Variants in SEC31A observed in about 807,000 individuals in gnomAD.
SEC31A encodes SEC31 homolog A, COPII component.
A neutral mutation model predicts 151.0 loss-of-function variants in SEC31A; 70 were observed. The ratio of observed to expected loss-of-function variants is 0.46; its 90% CI spans 0.38 to 0.57. The LOEUF is 0.57. SEC31A is among the 20% of genes least tolerant of loss of function. The pLI is 0.00. For synonymous variants in SEC31A, 475 were observed against 505.9 expected (o/e 0.94, Z 0.82); for missense variants, 1,330 against 1,471.2 (o/e 0.90, Z 1.57).
chr4:82,884,338 C>T (rs373586191), intron 1 of SEC31A, among the ~76,000 whole-genome samples: 2 of 151,356 alleles, frequency 1.3e-5, no homozygotes, highest in African/African-American at 4.9e-5. Flanking sequence ...TTTGACTTTG[C>T]TTTTTTCAAA....
intron 24 of SEC31A, 32 bp downstream of exon 24, chr4:82,827,336 CT>C: frequency 3.1e-6 from 5 of 1,598,546 alleles, no homozygotes; most frequent in Non-Finnish European, 4.3e-6. Flanking sequence ...ACACAGCCAT[CT>C]TCCCATTCCA....
intron 7 of SEC31A, 109 bp downstream of exon 7, chr4:82,871,835 T>C (rs1560648974): frequency 2.2e-6 from 3 of 1,370,244 alleles, no homozygotes; most frequent in Admixed American, 2.1e-5. Flanking sequence ...CAAAACTCCA[T>C]CTAAAAAAAA....
intron 8 of SEC31A, among the ~76,000 whole-genome samples, chr4:82,869,265 G>A (rs1191030639): frequency 4.0e-5 from 6 of 149,636 alleles, no homozygotes; most frequent in African/African-American, 1.5e-4. Context: ...GACTACAGGC[G>A]CCCGCCACCA....
At chr4:82,864,708 C>G (rs1734927891) in intron 10 of SEC31A, 110 bp from the exon 11 acceptor site, 1 of 719,792 alleles carries the variant, frequency 1.4e-6, no homozygotes, top group East Asian at 2.6e-5. Flanking sequence ...TTGATACAAC[C>G]TCTCATGCGC....
chr4:82,871,548 G>A (rs1578329514), intron 7 of SEC31A: 2 of 713,166 alleles, frequency 2.8e-6, no homozygotes, highest in African/African-American at 1.8e-5. Flanking sequence ...GGCAAAGGTG[G>A]GCAGATCACT....
chr4:82,839,331 C>T (rs531489544), intron 22 of SEC31A, among the ~76,000 whole-genome samples: 2 of 152,090 alleles, frequency 1.3e-5, no homozygotes, highest in African/African-American at 2.4e-5. Context: ...TTGTGTTTTT[C>T]GTAGAGACGG....
chr4:82,846,194 G>A (rs1311842858), intron 20 of SEC31A, among the ~76,000 whole-genome samples: 3 of 151,496 alleles, frequency 2.0e-5, no homozygotes, highest in East Asian at 3.9e-4. Context: ...TAGTAGAGAC[G>A]GGGTTTCACT....
At position 82,821,058 on chromosome 4, in the gene SEC31A, A is replaced by G. The variant is rs1723198233; in HGVS notation, c.3462T>C (p.Tyr1154=). The change falls in exon 26 of 27, where the codon TAT becomes TAC. Residue 1154 remains tyrosine (Y), a synonymous_variant. Transcript: ENST00000395310. The part of the protein sequence containing the change: ...DDASKRLEFL[Y]DKLREQTLSP... ...TTACTGTCTGTTCCCTAAGTTTATC[A>G]TACAGAAACTCCAAACGTTTGCTGG... The G allele has an allele frequency of 6.2e-7, 1 of 1,613,920 alleles. No individual in the cohort carries two copies. Among genetic ancestry groups the G allele is most frequent in the Non-Finnish European group, 8.5e-7 (1 of 1,179,804 alleles).
rs1724883788 is a variant in SEC31A, at chr4:82,827,569, G to A, written c.3091C>T (p.Pro1031Ser). ...TGTTGCTGCAGCATTTGTGACTGGG[G>A]GTCACCCAACGGGTTCATGATTGGT... The part of the protein sequence containing the change: ...TSPIMNPLGD[P>S]QSQMLQQQPS... Residue 1031 changes from proline (P) to serine (S), a missense_variant, in exon 24 of 27, where the codon CCC (proline) becomes TCC (serine). Transcript: ENST00000395310. 1.2e-6 allele frequency: 2 copies of A among 1,614,178 alleles called. No homozygotes were observed. Among genetic ancestry groups the A allele is most frequent in the East Asian group, 4.5e-5 (2 of 44,886 alleles).
At chr4:82,842,543 A>T in intron 21 of SEC31A, 62 bp from the exon 22 acceptor site, 2 of 1,271,032 alleles carry the variant, frequency 1.6e-6, no homozygotes, top group Non-Finnish European at 2.2e-6. Flanking sequence ...ATAGTAGCAG[A>T]AAACTAAAAA....
Position 82,863,399 on chromosome 4 carries a change from A to G in SEC31A, c.1435-7T>C. On this transcript the variant is annotated splice_polypyrimidine_tract_variant and splice_region_variant and intron_variant, in intron 11 of 26. Transcript: ENST00000395310. ...AATCATCCTCAAAGTTTACCTTTAA[A>G]AAAAAAGACATATTCTTAAAACAAA... 1 of 1,532,158 alleles carries G rather than the reference A, an allele frequency of 6.5e-7. No homozygotes were observed. The highest frequency in any genetic ancestry group is 8.8e-7 in the Non-Finnish European group (1 of 1,139,836). The allele number at this position is 1,532,158 out of a possible 1,614,324, so 94.9% of individuals were successfully genotyped here.
chr4:82,899,640 C>T (rs375497981), intron 3 of SEC31A: 1 of 152,558 alleles, frequency 6.6e-6, no homozygotes, highest in East Asian at 1.9e-4. Context: ...GGAACCATAA[C>T]CAAAAGCTAT....
intron 23 of SEC31A, among the ~76,000 whole-genome samples, chr4:82,828,099 G>A (rs576611335): frequency 6.6e-6 from 1 of 152,132 alleles, no homozygotes; most frequent in Non-Finnish European, 1.5e-5. Flanking sequence ...ATTTTTAGTA[G>A]AGATGGGGTT....
At chr4:82,895,152 C>T (rs1170261689), upstream of SEC31A, 2 of 152,154 alleles carry the variant, frequency 1.3e-5, no homozygotes, top group African/African-American at 2.4e-5. Context: ...TTAAGAATAT[C>T]AGGTGCTGAA....
At chr4:82,866,452 C>T (rs1409931670) in intron 10 of SEC31A, among the ~76,000 whole-genome samples, 2 of 151,904 alleles carry the variant, frequency 1.3e-5, no homozygotes, top group African/African-American at 4.8e-5. Context: ...GCCTGTACAA[C>T]AGAGTGAGAC....
chr4:82,893,766 T>C (rs1719943426), upstream of SEC31A: 1 of 152,238 alleles, frequency 6.6e-6, no homozygotes, highest in African/African-American at 2.4e-5. Flanking sequence ...ATATAAACTA[T>C]ATTTTTGAAC....
chr4:82,837,013 A>G (rs1417243436), intron 22 of SEC31A, among the ~76,000 whole-genome samples: 2 of 151,686 alleles, frequency 1.3e-5, no homozygotes, highest in Non-Finnish European at 2.9e-5. Flanking sequence ...GTATACCTGT[A>G]TCAAAATATC....
intron 1 of SEC31A, among the ~76,000 whole-genome samples, chr4:82,882,401 C>CAAAAAAAAA (rs57974382): frequency 1.6e-4 from 15 of 92,478 alleles, no homozygotes; most frequent in African/African-American, 7.2e-4. Flanking sequence ...GACTCTATCT[C>CAAAAAAAAA]AAAAAAAAAA....
intron 8 of SEC31A, among the ~76,000 whole-genome samples, chr4:82,868,197 A>G (rs1398051315): frequency 2.6e-5 from 4 of 152,302 alleles, no homozygotes. Flanking sequence ...AGAAAGAACT[A>G]TAGAAAATGA....
Sources: allele counts gnomAD v4.1 joint callset (sites outside exome capture counted in the v4.1 genomes callset), GRCh38; gene constraint gnomAD v4.1.1; transcripts MANE v1.5; gene names NCBI Gene and HGNC (gene_info 2026-07-23, HGNC 2026-07-21).